Variants in BCKDHB observed in about 807,000 individuals in gnomAD.
BCKDHB encodes the protein branched chain keto acid dehydrogenase E1 subunit beta.
Under a neutral mutation model 48.5 loss-of-function variants are expected in BCKDHB, and 41 were observed. The ratio of observed to expected loss-of-function variants is 0.85; its 90% CI spans 0.66 to 1.10. The LOEUF (loss-of-function observed/expected upper bound fraction) is 1.10. Among genes scored for constraint, BCKDHB ranks in the 50% least tolerant of loss-of-function variants. BCKDHB has a pLI of 0.00. For missense variants in BCKDHB, 496 were observed against 494.2 expected (o/e 1.00, Z -0.03); for synonymous variants, 201 against 174.8 (o/e 1.15, Z -1.18).
the BCKDHB span, among the ~76,000 whole-genome samples, chr6:80,410,751 G>C: frequency 6.6e-6 from 1 of 152,144 alleles, no homozygotes; most frequent in Non-Finnish European, 1.5e-5. Flanking sequence ...CGAAGCTTGT[G>C]CATGCATCAT....
intron 8 of BCKDHB, among the ~76,000 whole-genome samples, chr6:80,240,573 G>C (rs958023754): frequency 6.6e-6 from 1 of 152,120 alleles, no homozygotes; most frequent in South Asian, 2.1e-4. Flanking sequence ...GGGCTGAGAC[G>C]ATGGGGTTTT....
At position 80,344,094 on chromosome 6, in the gene BCKDHB, C is replaced by G. The variant is rs976701579; in HGVS notation, c.*290C>G. ...CAGCTCACTGCAACCTCCCCCCTACCCCTGAGTTCAAGCGATTCTCCTGCC... is the reference window on the plus strand; with the variant it reads ...CAGCTCACTGCAACCTCCCCCCTACGCCTGAGTTCAAGCGATTCTCCTGCC... On this transcript the variant is annotated 3_prime_UTR_variant, in exon 10 of 10. Transcript: ENST00000320393. 1.4e-4 allele frequency: 59 copies of G among 415,746 alleles called. No homozygotes were observed. The highest frequency in any genetic ancestry group is 1.2e-3 in the African/African-American group (59 of 49,302). The allele number at this position is 415,746 out of a possible 1,614,324, so 25.8% of individuals were successfully genotyped here.
chr6:80,184,154 A>G (rs1773537347), intron 6 of BCKDHB, among the ~76,000 whole-genome samples: 1 of 152,114 alleles, frequency 6.6e-6, no homozygotes, highest in Admixed American at 6.5e-5. Flanking sequence ...ATTATTTAGG[A>G]TTGTGATATT....
the BCKDHB span, among the ~76,000 whole-genome samples, chr6:80,362,212 T>G: frequency 6.6e-6 from 1 of 152,198 alleles, no homozygotes; most frequent in Non-Finnish European, 1.5e-5. Context: ...CAACTTGATC[T>G]TATTTTCATG....
chr6:80,378,219 C>T, the BCKDHB span, among the ~76,000 whole-genome samples: 3 of 152,060 alleles, frequency 2.0e-5, no homozygotes, highest in Non-Finnish European at 4.4e-5. Flanking sequence ...ATTTTTCAAC[C>T]CTCACCCTTC....
intron 3 of BCKDHB, among the ~76,000 whole-genome samples, chr6:80,153,077 A>G (rs1239415260): frequency 1.3e-5 from 2 of 152,154 alleles, no homozygotes; most frequent in Non-Finnish European, 1.5e-5. Context: ...CAGCAGTAAC[A>G]TTGTTCTTTA....
intron 8 of BCKDHB, among the ~76,000 whole-genome samples, chr6:80,219,360 C>T (rs1455169476): frequency 6.6e-6 from 1 of 152,088 alleles, no homozygotes; most frequent in East Asian, 1.9e-4. Context: ...GCATGCACCA[C>T]GATGCACCAC....
the BCKDHB span, among the ~76,000 whole-genome samples, chr6:80,458,711 A>G: frequency 6.6e-6 from 1 of 152,214 alleles, no homozygotes; most frequent in African/African-American, 2.4e-5. Flanking sequence ...GATAGTTATT[A>G]TTACTAATAG....
At position 80,262,629 on chromosome 6, in the gene BCKDHB, G is replaced by T. The variant is rs985418048; in HGVS notation, c.952-10506G>T. On this transcript the variant is annotated intron_variant, in intron 8 of 9. Coordinates refer to ENST00000320393, the MANE Select transcript of BCKDHB (RefSeq NM_183050.4). ...TTAAATTACTTTGTGACATTAATGG[G>T]TGAAATGCCACTTTGTCCTTACTTT... 2.0e-5 allele frequency among the ~76,000 whole-genome samples: 3 copies of T among 152,102 alleles called. No homozygotes were observed. In the South Asian group the frequency reaches 6.2e-4, roughly 32 times the overall value.
rs574811531 is a variant in BCKDHB, at chr6:80,314,245, G to C, written c.1039-29419G>C. Among the ~76,000 whole-genome samples, 4 of 152,330 alleles carry C rather than the reference G, an allele frequency of 2.6e-5. No individual in the cohort carries two copies. The South Asian group carries it at 8.3e-4, about 32-fold the overall frequency. ...GTATATGCTCTTCTATTTGGGTAGA[G>C]AGTTCTGTAGATACCTATCAGGTCT... On this transcript the variant is annotated intron_variant, in intron 9 of 9. Transcript: ENST00000320393.
In BCKDHB at chr6:80,155,842, T is replaced by G. The variant is rs184021751; in HGVS notation, c.344-11836T>G. On this transcript the variant is annotated intron_variant, in intron 3 of 9. Coordinates refer to ENST00000320393, the MANE Select transcript of BCKDHB (RefSeq NM_183050.4). ...TACCTCATAATAATGCAAAGTTGTT[T>G]TTTTTTTTTTTTTTAGGTTTTCTTT... 1.8e-3 allele frequency among the ~76,000 whole-genome samples: 273 copies of G among 151,410 alleles called. 5 individuals carry two copies. In the East Asian group the frequency reaches 0.051, roughly 28 times the overall value.
chr6:80,224,279 A>C (rs3805911), intron 8 of BCKDHB, among the ~76,000 whole-genome samples: 96,249 of 151,984 alleles, frequency 0.63, 30,675 homozygotes, highest in South Asian at 0.77. Context: ...TGTATAATAA[A>C]CTGATGAAAT....
chr6:80,229,731 A>C (rs966316184), intron 8 of BCKDHB, among the ~76,000 whole-genome samples: 7 of 152,120 alleles, frequency 4.6e-5, no homozygotes, highest in Non-Finnish European at 1.5e-5. Context: ...TGAGAGAAGA[A>C]GCTTGAAATA....
chr6:80,359,743 T>C, the BCKDHB span, among the ~76,000 whole-genome samples: 1 of 152,030 alleles, frequency 6.6e-6, no homozygotes, highest in South Asian at 2.1e-4. Flanking sequence ...TACAGGTGCG[T>C]GCCACCACGC....
chr6:80,424,296 C>T, the BCKDHB span, among the ~76,000 whole-genome samples: 9 of 152,122 alleles, frequency 5.9e-5, no homozygotes, highest in Admixed American at 3.9e-4. Flanking sequence ...TCTTGTGATG[C>T]CTTTAAACTT....
At chr6:80,181,871 G>A (rs1025523744) in intron 6 of BCKDHB, among the ~76,000 whole-genome samples, 3 of 152,108 alleles carry the variant, frequency 2.0e-5, no homozygotes, top group Non-Finnish European at 4.4e-5. Context: ...TTTGGATTCT[G>A]TCTATTGCTT....
Position 80,109,679 on chromosome 6 carries a change from G to T in BCKDHB, c.196+2790G>T, listed in dbSNP as rs576034552. 7.1e-4 allele frequency among the ~76,000 whole-genome samples: 108 copies of T among 152,200 alleles called. No individual in the cohort carries two copies. In the Middle Eastern group the frequency reaches 0.017, roughly 24 times the overall value. ...GTTAAATTGATTTATTTTTACTTAAGAATTGAATATTAGATGTATTTACAT... is the reference window on the plus strand; with the variant it reads ...GTTAAATTGATTTATTTTTACTTAATAATTGAATATTAGATGTATTTACAT... On this transcript the variant is annotated intron_variant, in intron 1 of 9. Transcript: ENST00000320393.
chr6:80,409,624 A>ATATATATG, the BCKDHB span, among the ~76,000 whole-genome samples: 1 of 78,402 alleles, frequency 1.3e-5, no homozygotes, highest in African/African-American at 5.0e-5. Context: ...ATATATATAT[A>ATATATATG]TATATATGAT....
the BCKDHB span, chr6:80,374,520 G>A: frequency 6.9e-6 from 5 of 728,332 alleles, no homozygotes; most frequent in Non-Finnish European, 7.8e-6. Context: ...GGAACCTCTT[G>A]ATTTGCATGA....
Sources: gnomAD v4.1 joint callset for allele counts (sites outside exome capture counted in the v4.1 genomes callset) on GRCh38, gnomAD v4.1.1 for gene constraint, MANE v1.5 for transcripts, NCBI Gene and HGNC (gene_info 2026-07-23, HGNC 2026-07-21) for gene names.